The following KALRN variants were observed in gnomAD, a reference collection of about 807,000 sequenced individuals.
The protein encoded by KALRN is kalirin.
A neutral mutation model predicts 353.7 loss-of-function variants in KALRN; 70 were observed. That is an observed-to-expected ratio of 0.20 (90% CI 0.16 to 0.24). The LOEUF is 0.24. Among genes scored for constraint, KALRN ranks in the 10% least tolerant of loss-of-function variants. KALRN has a pLI of 1.00. For missense variants in KALRN, 2,791 were observed against 3,756.7 expected (o/e 0.74, Z 6.72); for synonymous variants, 1,391 against 1,434.8 (o/e 0.97, Z 0.69).
At chr3:124,301,373 GA>G (rs1023102740) in intron 6 of KALRN, among the ~76,000 whole-genome samples, 3 of 152,330 alleles carry the variant, frequency 2.0e-5, no homozygotes, top group Admixed American at 2.0e-4. Context: ...GAAGAGAAGA[GA>G]TTTAGTATGC....
At chr3:124,356,811 C>T (rs772012065) in intron 10 of KALRN, among the ~76,000 whole-genome samples, 35 of 152,094 alleles carry the variant, frequency 2.3e-4, no homozygotes, top group Non-Finnish European at 4.6e-4. Flanking sequence ...TTCCTCAGAT[C>T]TTCTCTTCTC....
At chr3:124,353,407 A>T (rs1256552637) in intron 10 of KALRN, among the ~76,000 whole-genome samples, 1 of 152,170 alleles carries the variant, frequency 6.6e-6, no homozygotes, top group Non-Finnish European at 1.5e-5. Context: ...GCACTGTGAA[A>T]AGTTAGAGTT....
chr3:124,566,092 G>C (rs2072777163), intron 34 of KALRN, among the ~76,000 whole-genome samples: 1 of 152,158 alleles, frequency 6.6e-6, no homozygotes, highest in South Asian at 2.1e-4. Flanking sequence ...GTTGGTTCCT[G>C]TTTCCCCAAG....
chr3:124,225,008 G>A (rs772831003), intron 1 of KALRN, among the ~76,000 whole-genome samples: 3 of 152,178 alleles, frequency 2.0e-5, no homozygotes, highest in East Asian at 3.9e-4. Context: ...AACATTTACC[G>A]TGAGTCTACC....
chr3:124,190,984 G>A (rs12487060), intron 1 of KALRN, among the ~76,000 whole-genome samples: 81,515 of 152,060 alleles, frequency 0.54, 24,597 homozygotes, highest in Non-Finnish European at 0.68. Flanking sequence ...ATTGGGGTTC[G>A]CATGATCCCC....
intron 25 of KALRN, among the ~76,000 whole-genome samples, chr3:124,466,494 G>GA (rs11430104): frequency 0.59 from 90,094 of 152,016 alleles, 27,691 homozygotes; most frequent in Middle Eastern, 0.73. Flanking sequence ...TCAGCTTGCT[G>GA]TTATTAGATT....
chr3:124,157,360 A>G (rs2069155087), intron 1 of KALRN, among the ~76,000 whole-genome samples: 1 of 152,190 alleles, frequency 6.6e-6, no homozygotes, highest in African/African-American at 2.4e-5. Context: ...TCACTTCCTA[A>G]TTGTAACCCA....
chr3:124,186,051 G>T (rs1313918185), intron 1 of KALRN, among the ~76,000 whole-genome samples: 3 of 152,196 alleles, frequency 2.0e-5, no homozygotes, highest in Non-Finnish European at 2.9e-5. Flanking sequence ...CTGGAATCAG[G>T]TTACCTGGTT....
intron 23 of KALRN, among the ~76,000 whole-genome samples, chr3:124,457,425 T>C (rs2059428184): frequency 6.6e-6 from 1 of 152,222 alleles, no homozygotes; most frequent in Admixed American, 6.5e-5. Flanking sequence ...TCTAGTTTTG[T>C]CTGGATTATT....
rs185028797 is a variant in KALRN, at chr3:124,552,256, C to G, written c.4936-10587C>G. On this transcript the variant is annotated intron_variant, in intron 33 of 59. Transcript: ENST00000682506. The stretch of plus-strand genomic sequence containing the variant: ...CTGAACACGAATCTGTAAGTCACCC[C>G]GCTCCCAGCCAGACCCCTTACAGAG... 1.2e-4 allele frequency among the ~76,000 whole-genome samples: 19 copies of G among 152,266 alleles called. No homozygotes were observed. In the East Asian group the frequency reaches 3.7e-3, roughly 29 times the overall value.
Position 124,216,018 on chromosome 3 carries a change from C to T in KALRN, c.74-11972C>T, listed in dbSNP as rs189970343. Among the ~76,000 whole-genome samples, 163 of 152,284 alleles carry T rather than the reference C, an allele frequency of 1.1e-3. 1 individual carries two copies. Among genetic ancestry groups the T allele is most frequent in the Middle Eastern group, 3.4e-3 (1 of 294 alleles). ...GCGGGGGTGTCATAAGTTTGGAAGGCTTACTGGAAATGTACTGCCTTGGTG... is the reference window on the plus strand; with the variant it reads ...GCGGGGGTGTCATAAGTTTGGAAGGTTTACTGGAAATGTACTGCCTTGGTG... On this transcript the variant is annotated intron_variant, in intron 1 of 59. Transcript: ENST00000682506.
chr3:124,332,390 A>C (rs868329312), intron 8 of KALRN, among the ~76,000 whole-genome samples: 15 of 151,850 alleles, frequency 9.9e-5, no homozygotes, highest in African/African-American at 3.6e-4. Flanking sequence ...CTCATTCCCT[A>C]CCTTGCTGGT....
chr3:124,085,580 G>T (rs1577909886), intron 1 of KALRN, among the ~76,000 whole-genome samples: 1 of 152,192 alleles, frequency 6.6e-6, no homozygotes, highest in South Asian at 2.1e-4. Context: ...TGACCTGTGG[G>T]TTCTCTGAAG....
chr3:124,252,627 ACTAACTCT>A (rs1416759279), intron 3 of KALRN, among the ~76,000 whole-genome samples: 1 of 152,202 alleles, frequency 6.6e-6, no homozygotes. Context: ...TAGAAAAGAC[ACTAACTCT>A]TTGGAATAAT....
intron 1 of KALRN, among the ~76,000 whole-genome samples, chr3:124,097,974 A>G (rs2061568495): frequency 6.6e-6 from 1 of 152,224 alleles, no homozygotes; most frequent in African/African-American, 2.4e-5. Context: ...ATCAAAAGAA[A>G]AGAGCTCATA....
chr3:124,690,981 T>C (rs1466402099), intron 51 of KALRN, among the ~76,000 whole-genome samples: 1 of 152,230 alleles, frequency 6.6e-6, no homozygotes, highest in Non-Finnish European at 1.5e-5. Context: ...AGGTCAAATA[T>C]GTATTCACCA....
chr3:124,441,806 A>G (rs945468639), intron 18 of KALRN, 139 bp from the exon 19 acceptor site: 10 of 496,928 alleles, frequency 2.0e-5, no homozygotes, highest in African/African-American at 1.2e-4. Flanking sequence ...AGCCTAGGCA[A>G]CAGAGTGAGA....
At chr3:124,664,484 C>T (rs2085366507) in intron 45 of KALRN, among the ~76,000 whole-genome samples, 1 of 151,474 alleles carries the variant, frequency 6.6e-6, no homozygotes, top group African/African-American at 2.4e-5. Context: ...GATCTCAGCT[C>T]ACTGCAACCT....
chr3:124,152,144 C>T (rs2068196056), intron 1 of KALRN: 1 of 1,348,546 alleles, frequency 7.4e-7, no homozygotes, highest in South Asian at 1.2e-5. Context: ...CAGATCCTTC[C>T]TGCAGATGAT....
Sources: allele counts gnomAD v4.1 joint callset (sites outside exome capture counted in the v4.1 genomes callset), GRCh38; gene constraint gnomAD v4.1.1; transcripts MANE v1.5; gene names NCBI Gene and HGNC (gene_info 2026-07-23, HGNC 2026-07-21).